Variants in OSBPL8 observed in about 807,000 individuals in gnomAD.
The protein encoded by OSBPL8 is oxysterol binding protein like 8.
In OSBPL8, 59 loss-of-function variants were observed where a neutral mutation model predicts 125.5. The observed-to-expected ratio is 0.47, with a 90% CI of 0.38 to 0.58. The LOEUF (loss-of-function observed/expected upper bound fraction) is 0.58. Ranked by LOEUF, OSBPL8 falls within the 20% of genes least tolerant of loss-of-function variation. The pLI is 0.00. For synonymous variants in OSBPL8, 330 were observed against 338.9 expected, an observed-to-expected ratio of 0.97 and a Z score of 0.29; for missense variants, 758 against 1,047.8, an observed-to-expected ratio of 0.72 and a Z score of 3.82.
At chr12:76,419,424 A>G (rs73383562) in intron 4 of OSBPL8, among the ~76,000 whole-genome samples, 26,720 of 152,100 alleles carry the variant, frequency 0.18, 2,507 homozygotes, top group Middle Eastern at 0.24. Context: ...ATTATAATAC[A>G]GTAAAATAAC....
chr12:76,392,652 T>A lies in OSBPL8; in HGVS notation c.858A>T (p.Ser286=). The A allele has an allele frequency of 6.2e-7, 1 of 1,614,110 alleles. No individual in the cohort carries two copies. The highest frequency in any genetic ancestry group is 1.1e-5 in the South Asian group (1 of 91,080). ...AGAAAGTCACATGTGTGCTATCTGATGAAACGCTCAGGTCATGTTCCTTTC... is the reference window on the plus strand; with the variant it reads ...AGAAAGTCACATGTGTGCTATCTGAAGAAACGCTCAGGTCATGTTCCTTTC... The part of the protein sequence containing the change: ...REGKEHDLSV[S]SDSTHVTFYG... The change falls in exon 10 of 24, where the codon TCA becomes TCT. Residue 286 remains serine, a synonymous_variant. Coordinates refer to ENST00000261183, the MANE Select transcript of OSBPL8 (RefSeq NM_020841.5).
At chr12:76,447,075 G>A (rs1872796901) in intron 4 of OSBPL8, among the ~76,000 whole-genome samples, 1 of 152,118 alleles carries the variant, frequency 6.6e-6, no homozygotes, top group African/African-American at 2.4e-5. Flanking sequence ...TAACAAGAAT[G>A]ACAGAATTAT....
rs138856193 is a variant in OSBPL8 at position 76,513,356 on chromosome 12, G to A, written c.-67-25738C>T. ...TTGTTTTATATCCAATTATGTGATT[G>A]CTTTCGGAGTATGTTCCATGTGGAG... On this transcript the variant is annotated intron_variant, in intron 1 of 23. Transcript: ENST00000261183. Among the ~76,000 whole-genome samples the A allele has an allele frequency of 3.5e-4, 53 of 152,330 alleles. 1 individual carries two copies. The East Asian group carries it at 6.6e-3, about 19-fold the overall frequency.
chr12:76,506,428 A>G (rs1270397031), intron 1 of OSBPL8, among the ~76,000 whole-genome samples: 1 of 152,210 alleles, frequency 6.6e-6, no homozygotes, highest in East Asian at 1.9e-4. Context: ...ATTGAATGAG[A>G]TAATTTTGGA....
intron 1 of OSBPL8, among the ~76,000 whole-genome samples, chr12:76,542,426 A>T (rs1242739008): frequency 6.6e-6 from 1 of 152,158 alleles, no homozygotes; most frequent in Non-Finnish European, 1.5e-5. Context: ...CAAAAACCAT[A>T]TATCTAATGA....
chr12:76,382,341 G>A (rs1313673238), intron 15 of OSBPL8, among the ~76,000 whole-genome samples: 1 of 151,676 alleles, frequency 6.6e-6, no homozygotes, highest in Non-Finnish European at 1.5e-5. Context: ...TTTTGGTGGC[G>A]ATTTTTCTTT....
intron 1 of OSBPL8, among the ~76,000 whole-genome samples, chr12:76,514,235 C>G (rs1049578394): frequency 7.9e-5 from 12 of 152,124 alleles, no homozygotes; most frequent in African/African-American, 2.9e-4. Context: ...ACCTCCGCCT[C>G]CCGGGTTCAA....
chr12:76,547,839 C>A (rs1950823087), intron 1 of OSBPL8, among the ~76,000 whole-genome samples: 1 of 152,068 alleles, frequency 6.6e-6, no homozygotes, highest in Admixed American at 6.6e-5. Context: ...GCAAGATAAT[C>A]ATAACAACAT....
chr12:76,477,100 C>T (rs1005058822), intron 2 of OSBPL8, among the ~76,000 whole-genome samples: 1 of 152,116 alleles, frequency 6.6e-6, no homozygotes, highest in African/African-American at 2.4e-5. Context: ...CTCCCACCCC[C>T]AAACCTCATC....
rs756609591 is a variant in OSBPL8 at position 76,386,581 on chromosome 12, T to C, written c.1432A>G (p.Lys478Glu). The C allele has an allele frequency of 6.3e-7, 1 of 1,593,052 alleles. No individual in the cohort carries two copies. Among genetic ancestry groups the C allele is most frequent in the Non-Finnish European group, 8.6e-7 (1 of 1,168,100 alleles). The change falls in exon 13 of 24, where the codon AAG becomes GAG. Residue 478 changes from lysine (K) to glutamate (E), a missense_variant and splice_region_variant. By Grantham distance (56) the Lys-to-Glu change is moderately conservative. Around this residue, in one of 3 missense-constraint regions of OSBPL8, gnomAD observed 572 missense variants for 762.0 expected, o/e 0.75. Coordinates refer to ENST00000261183, the MANE Select transcript of OSBPL8 (RefSeq NM_020841.5). ...AAAATGTAAACAAACATTATTACCT[T>C]TGGCTTTTTATAGAATCCTGACAAA... ...WYLSGFYKKP[K>E]GLKKPYNPIL...
chr12:76,460,495 C>CA (rs912554875), intron 2 of OSBPL8, among the ~76,000 whole-genome samples: 7,707 of 69,160 alleles, frequency 0.11, 590 homozygotes, highest in African/African-American at 0.26. Context: ...TCTCAATTGG[C>CA]AAAAAAAAAA....
intron 8 of OSBPL8, among the ~76,000 whole-genome samples, chr12:76,397,290 T>C (rs1396460366): frequency 7.2e-6 from 1 of 138,390 alleles, no homozygotes; most frequent in East Asian, 2.2e-4. Context: ...TGGCAGTTTC[T>C]GTTCCAGGGA....
At chr12:76,479,380 A>G (rs1364247413) in intron 2 of OSBPL8, among the ~76,000 whole-genome samples, 1 of 152,192 alleles carries the variant, frequency 6.6e-6, no homozygotes, top group Non-Finnish European at 1.5e-5. Flanking sequence ...GAAGATTTTT[A>G]TTGCATTAAA....
chr12:76,431,366 C>T (rs1346772903), intron 4 of OSBPL8, among the ~76,000 whole-genome samples: 3 of 151,036 alleles, frequency 2.0e-5, no homozygotes, highest in East Asian at 1.9e-4. Context: ...AAGAGAACTA[C>T]AAAACACACA....
At chr12:76,506,631 TA>T (rs1442979176) in intron 1 of OSBPL8, among the ~76,000 whole-genome samples, 1 of 152,104 alleles carries the variant, frequency 6.6e-6, no homozygotes, top group Non-Finnish European at 1.5e-5. Flanking sequence ...ATAAAAATTA[TA>T]AAATCACTAA....
At chr12:76,524,208 G>A (rs1950102285) in intron 1 of OSBPL8, among the ~76,000 whole-genome samples, 1 of 152,048 alleles carries the variant, frequency 6.6e-6, no homozygotes. Flanking sequence ...ATGTCCATAA[G>A]CACCAAACTA....
rs541057854 is a variant in OSBPL8, at chr12:76,487,494, T to C, written c.42+16A>G. On this transcript the variant is annotated intron_variant, in intron 2 of 23. Transcript: ENST00000261183. The stretch of plus-strand genomic sequence containing the variant: ...GTTACAGATGATAGAACCTATGTCA[T>C]ATATGAACTACTCACCGAAGTTCGA... The C allele has an allele frequency of 1.8e-5, 28 of 1,589,706 alleles. No individual in the cohort carries two copies. The Admixed American group carries it at 4.5e-4, about 26-fold the overall frequency.
intron 1 of OSBPL8, among the ~76,000 whole-genome samples, chr12:76,515,220 C>T (rs1238266424): frequency 6.6e-6 from 1 of 152,178 alleles, no homozygotes; most frequent in Non-Finnish European, 1.5e-5. Flanking sequence ...ACACTCTGGC[C>T]ATTTACTGGA....
intron 22 of OSBPL8, among the ~76,000 whole-genome samples, 196 bp from the exon 23 acceptor site, chr12:76,356,924 T>G (rs1312245958): frequency 3.9e-5 from 6 of 152,210 alleles, no homozygotes; most frequent in African/African-American, 1.4e-4. Flanking sequence ...ATATTTAAAG[T>G]ACTACACATT....
Sources: allele counts gnomAD v4.1 joint callset (sites outside exome capture counted in the v4.1 genomes callset), GRCh38; gene constraint gnomAD v4.1.1; regional missense constraint gnomAD v4.1.1; transcripts MANE v1.5; gene names NCBI Gene and HGNC (gene_info 2026-07-23, HGNC 2026-07-21).